SNTG2: variants seen among roughly 807,000 people sequenced by gnomAD.
SNTG2 encodes the protein gamma-2-syntrophin.
SNTG2 carries 74 observed loss-of-function variants against 70.9 expected under a neutral mutation model. The observed-to-expected ratio is 1.04, with a 90% CI of 0.86 to 1.27. SNTG2 has a LOEUF of 1.27. SNTG2 is among the 50% of genes most tolerant of loss of function. The probability of loss-of-function intolerance (pLI) is 0.00; values close to 1 mark genes in which losing one functional copy is unlikely to be tolerated. For synonymous variants in SNTG2, 278 were observed against 273.8 expected (o/e 1.02, Z -0.15); for missense variants, 717 against 690.7 (o/e 1.04, Z -0.43).
In SNTG2 at chr2:1,321,874, C is replaced by CTCCTTCCTTGCCTCCCTCCCTCCT. The variant is rs1430496673; in HGVS notation, c.1488+5508_1488+5509insGCCTCCCTCCCTCCTTCCTTCCTT. ...AAAGCAAAGCCTTCTTTCTTCCTCC[C>CTCCTTCCTTGCCTCCCTCCCTCCT]TCCTTCCTTCCTTCCTTTCCTTCTT... On this transcript the variant is annotated intron_variant, in intron 16 of 16. Coordinates refer to ENST00000308624, the MANE Select transcript of SNTG2 (RefSeq NM_018968.4). Among the ~76,000 whole-genome samples the CTCCTTCCTTGCCTCCCTCCCTCCT allele has an allele frequency of 1.3e-4, 14 of 110,788 alleles. No individual in the cohort carries two copies. The East Asian group carries it at 6.9e-3, about 55-fold the overall frequency. 72.7% of individuals were successfully genotyped at this position (110,788 alleles called of 152,430 possible).
chr2:1,335,140 C>T (rs1659751851), intron 16 of SNTG2, among the ~76,000 whole-genome samples: 1 of 151,864 alleles, frequency 6.6e-6, no homozygotes, highest in Admixed American at 6.6e-5. Flanking sequence ...CGCACTGAGC[C>T]TGTGCTCCTT....
At chr2:1,069,505 A>G (rs1663382772) in intron 1 of SNTG2, among the ~76,000 whole-genome samples, 1 of 151,882 alleles carries the variant, frequency 6.6e-6, no homozygotes, top group Non-Finnish European at 1.5e-5. Context: ...AAAAAAAACA[A>G]AAACAGGCTG....
At chr2:1,066,386 T>C (rs1371449038) in intron 1 of SNTG2, among the ~76,000 whole-genome samples, 1 of 151,852 alleles carries the variant, frequency 6.6e-6, no homozygotes, top group East Asian at 1.9e-4. Context: ...TGAAGAAGAA[T>C]TGGGCCCTTC....
chr2:1,031,528 A>ATATATATATATATATTTTTT, intron 1 of SNTG2, among the ~76,000 whole-genome samples: 14 of 59,120 alleles, frequency 2.4e-4, no homozygotes, highest in African/African-American at 1.0e-3. Context: ...ATATATATAT[A>ATATATATATATATATTTTTT]TTTTTTTTTT....
intron 1 of SNTG2, among the ~76,000 whole-genome samples, chr2:1,054,627 GGT>G (rs1055405580): frequency 1.3e-5 from 2 of 152,158 alleles, no homozygotes; most frequent in African/African-American, 4.8e-5. Context: ...ACCCCCTGGA[GGT>G]GACACATTCC....
Position 1,155,051 on chromosome 2 carries a change from CACAT to C in SNTG2, c.412-10495_412-10492del, listed in dbSNP as rs1294959486. On this transcript the variant is annotated intron_variant, in intron 6 of 16. Coordinates refer to ENST00000308624, the MANE Select transcript of SNTG2 (RefSeq NM_018968.4). The stretch of plus-strand genomic sequence containing the variant: ...ACACATACCACACATACACACCACA[CACAT>C]AAACACAAACCACACACACAGCACA... 5.3e-5 allele frequency among the ~76,000 whole-genome samples: 8 copies of C among 151,746 alleles called. No homozygotes were observed. The East Asian group carries it at 1.5e-3, about 29-fold the overall frequency.
intron 1 of SNTG2, among the ~76,000 whole-genome samples, chr2:1,069,498 A>C (rs1045067577): frequency 2.6e-4 from 40 of 151,844 alleles, no homozygotes; most frequent in African/African-American, 8.7e-4. Flanking sequence ...GGAAAAAAAA[A>C]AAAACAAAAA....
At chr2:967,221 A>G (rs1222784880) in intron 1 of SNTG2, among the ~76,000 whole-genome samples, 1 of 151,868 alleles carries the variant, frequency 6.6e-6, no homozygotes, top group East Asian at 1.9e-4. Context: ...TTTTTTTTCT[A>G]TTGACCTATT....
intron 16 of SNTG2, among the ~76,000 whole-genome samples, chr2:1,324,025 G>T: frequency 6.6e-6 from 1 of 151,172 alleles, no homozygotes; most frequent in Non-Finnish European, 1.5e-5. Context: ...TCCCCCATAG[G>T]CTGGTACATG....
At chr2:1,256,713 G>A (rs192989241) in intron 12 of SNTG2, 10 of 152,294 alleles carry the variant, frequency 6.6e-5, no homozygotes, top group African/African-American at 2.4e-4. Context: ...CATGTAGGGA[G>A]AGGAAGGATA....
chr2:1,229,575 T>A (rs1009467860), intron 9 of SNTG2, among the ~76,000 whole-genome samples: 4 of 152,234 alleles, frequency 2.6e-5, no homozygotes, highest in African/African-American at 9.6e-5. Flanking sequence ...TGGAGCTGCC[T>A]GCCAGTCCCG....
chr2:1,078,247 A>G (rs1664055845), intron 1 of SNTG2, among the ~76,000 whole-genome samples: 2 of 152,200 alleles, frequency 1.3e-5, no homozygotes, highest in Admixed American at 1.3e-4. Flanking sequence ...GGACCCTTCC[A>G]TCATGGAACT....
intron 15 of SNTG2, among the ~76,000 whole-genome samples, chr2:1,314,296 C>T (rs1243969469): frequency 6.6e-6 from 1 of 152,226 alleles, no homozygotes; most frequent in Non-Finnish European, 1.5e-5. Flanking sequence ...TGGATGAGCA[C>T]ATACCTATGA....
intron 1 of SNTG2, among the ~76,000 whole-genome samples, chr2:1,015,481 A>G (rs2148001805): frequency 6.6e-6 from 1 of 152,350 alleles, no homozygotes; most frequent in South Asian, 2.1e-4. Flanking sequence ...TCTGTATTAA[A>G]TGAAGATTTT....
intron 6 of SNTG2, among the ~76,000 whole-genome samples, chr2:1,142,317 G>A (rs1286373750): frequency 2.0e-5 from 3 of 152,282 alleles, no homozygotes; most frequent in Admixed American, 6.5e-5. Context: ...GGGAACCAAC[G>A]CACCTGATCT....
chr2:1,095,206 C>T (rs1665315453), intron 2 of SNTG2, among the ~76,000 whole-genome samples: 1 of 152,226 alleles, frequency 6.6e-6, no homozygotes, highest in Non-Finnish European at 1.5e-5. Flanking sequence ...ACAGGCCCTA[C>T]CTCCAATGCA....
chr2:1,015,753 A>G (rs566824702), intron 1 of SNTG2, among the ~76,000 whole-genome samples: 5 of 152,326 alleles, frequency 3.3e-5, no homozygotes, highest in African/African-American at 1.2e-4. Context: ...ACAAATGTCT[A>G]TGAGGATCAG....
intron 2 of SNTG2, among the ~76,000 whole-genome samples, chr2:1,091,644 C>T (rs1428997086): frequency 6.6e-6 from 1 of 152,140 alleles, no homozygotes; most frequent in Non-Finnish European, 1.5e-5. Context: ...TGTGCTTAGA[C>T]CTGAAGAAAC....
intron 1 of SNTG2, among the ~76,000 whole-genome samples, chr2:975,650 A>AG (rs979526981): frequency 1.9e-4 from 29 of 152,110 alleles, no homozygotes; most frequent in Non-Finnish European, 4.3e-4. Context: ...TGTTTGACAA[A>AG]AAATACCTAC....
Sources: allele counts gnomAD v4.1 joint callset (sites outside exome capture counted in the v4.1 genomes callset), GRCh38; gene constraint gnomAD v4.1.1; transcripts MANE v1.5; gene names NCBI Gene and HGNC (gene_info 2026-07-23, HGNC 2026-07-21).